IFT52: variants seen among roughly 807,000 people sequenced by gnomAD.
IFT52 encodes intraflagellar transport 52, also known as intraflagellar transport protein 52 homolog.
Under a neutral mutation model 54.4 loss-of-function variants are expected in IFT52, and 44 were observed. That is an observed-to-expected ratio of 0.81 (90% CI 0.63 to 1.04). IFT52 has a LOEUF of 1.04. Among genes scored for constraint, IFT52 ranks in the 50% least tolerant of loss-of-function variants. The probability of loss-of-function intolerance (pLI) is 0.00; values close to 1 mark genes in which losing one functional copy is unlikely to be tolerated. For synonymous variants in IFT52, 181 were observed against 185.3 expected (o/e 0.98, Z 0.19); for missense variants, 452 against 523.6 (o/e 0.86, Z 1.33).
chr20:43,594,139 C>G (rs149873387), intron 1 of IFT52, among the ~76,000 whole-genome samples: 32 of 152,070 alleles, frequency 2.1e-4, no homozygotes, highest in African/African-American at 7.5e-4. Context: ...GAAACCCCGT[C>G]TCTACTGAAA....
intron 10 of IFT52, among the ~76,000 whole-genome samples, chr20:43,629,835 A>G (rs1985034777): frequency 6.6e-6 from 1 of 152,210 alleles, no homozygotes; most frequent in Non-Finnish European, 1.5e-5. Context: ...ATTATCATGT[A>G]ACAACCACAG....
intron 12 of IFT52, among the ~76,000 whole-genome samples, chr20:43,640,649 C>G (rs1430866271): frequency 6.6e-6 from 1 of 152,060 alleles, no homozygotes; most frequent in African/African-American, 2.4e-5. Context: ...GGCAGTAGAA[C>G]TAGGATGAAA....
intron 10 of IFT52, among the ~76,000 whole-genome samples, chr20:43,624,791 C>A (rs1013367359): frequency 1.3e-5 from 2 of 152,176 alleles, no homozygotes; most frequent in African/African-American, 4.8e-5. Context: ...TTCACTGTTT[C>A]TAACCTGAAT....
chr20:43,603,918 G>A, intron 4 of IFT52, 29 bp downstream of exon 4: 1 of 1,373,188 alleles, frequency 7.3e-7, no homozygotes. Flanking sequence ...TTCAGTAGAG[G>A]CAGTACTTTT....
intron 12 of IFT52, among the ~76,000 whole-genome samples, chr20:43,640,183 G>A (rs446526): frequency 1.3e-5 from 2 of 152,122 alleles, no homozygotes; most frequent in African/African-American, 2.4e-5. Flanking sequence ...AAGGCCAGGC[G>A]CAGTGGCTCA....
In IFT52 at chr20:43,590,957, C is replaced by T. The variant is rs1487294243; in HGVS notation, c.-104C>T. On this transcript the variant is annotated 5_prime_UTR_variant, in exon 1 of 14. Transcript: ENST00000373030. ...GCGCTGCGTCCTGGGCCACGCCTCC[C>T]GGCGCACCGACGCGCCTCTCCGGTT... is the stretch of plus-strand genomic sequence containing the variant. 3 of 152,274 alleles carry T rather than the reference C, an allele frequency of 2.0e-5. No homozygotes were observed. Among genetic ancestry groups the T allele is most frequent in the Non-Finnish European group, 4.4e-5 (3 of 68,056 alleles). The allele number at this position is 152,274 out of a possible 1,614,324, so 9.4% of individuals were successfully genotyped here.
At chr20:43,620,149 T>G (rs1212475409) in intron 8 of IFT52, among the ~76,000 whole-genome samples, 2 of 151,968 alleles carry the variant, frequency 1.3e-5, no homozygotes, top group Non-Finnish European at 2.9e-5. Context: ...ACTCCTGACT[T>G]CAGGTGATCC....
intron 3 of IFT52, among the ~76,000 whole-genome samples, chr20:43,602,146 T>G (rs1404595465): frequency 6.8e-6 from 1 of 146,684 alleles, no homozygotes; most frequent in Non-Finnish European, 1.5e-5. Flanking sequence ...ATTTTTATTT[T>G]ATTTATTTAT....
chr20:43,614,546 G>C (rs6073152), intron 7 of IFT52, among the ~76,000 whole-genome samples: 1 of 148,142 alleles, frequency 6.8e-6, no homozygotes, highest in Non-Finnish European at 1.5e-5. Flanking sequence ...TTTTTTTTTT[G>C]ATCCCATGGC....
chr20:43,612,421 G>A (rs750029172), intron 6 of IFT52, among the ~76,000 whole-genome samples: 18 of 152,104 alleles, frequency 1.2e-4, no homozygotes, highest in Non-Finnish European at 8.8e-5. Context: ...GGCCAGGCCC[G>A]GTGGTTTATG....
intron 9 of IFT52, among the ~76,000 whole-genome samples, chr20:43,623,424 C>T (rs945628911): frequency 2.7e-4 from 41 of 152,220 alleles, no homozygotes; most frequent in African/African-American, 9.4e-4. Context: ...TGGGCTCAAG[C>T]GATCCACTCA....
rs60705552 is a variant in IFT52 at position 43,609,962 on chromosome 20, A to AAAATT, written c.486-3867_486-3863dup. On this transcript the variant is annotated intron_variant, in intron 6 of 13. Coordinates refer to ENST00000373030, the MANE Select transcript of IFT52 (RefSeq NM_016004.5). ...AGACTCCGTCTTGAAAAAATAAAAT[A>AAAATT]AAATTAAATTAAATTAAATTAAATT... Among the ~76,000 whole-genome samples the AAAATT allele has an allele frequency of 7.9e-3, 1,183 of 150,538 alleles. 10 individuals are homozygous for AAAATT. Among genetic ancestry groups the AAAATT allele is most frequent in the African/African-American group, 0.024 (983 of 41,038 alleles).
chr20:43,611,800 C>T (rs984263495), intron 6 of IFT52, among the ~76,000 whole-genome samples: 4 of 151,968 alleles, frequency 2.6e-5, no homozygotes, highest in East Asian at 3.9e-4. Flanking sequence ...GAGGCTGAGG[C>T]GGGTGGATCA....
At chr20:43,609,611 A>T (rs1335057967) in intron 6 of IFT52, among the ~76,000 whole-genome samples, 3 of 151,916 alleles carry the variant, frequency 2.0e-5, no homozygotes, top group East Asian at 1.9e-4. Flanking sequence ...ATCTATATTA[A>T]AAAAAACAAC....
chr20:43,591,342 C>T (rs953270664), intron 1 of IFT52, among the ~76,000 whole-genome samples: 9 of 151,994 alleles, frequency 5.9e-5, no homozygotes, highest in African/African-American at 2.2e-4. Flanking sequence ...GTGGCTGCGA[C>T]CCCTCGGTAT....
chr20:43,594,377 G>A (rs1981765488), intron 1 of IFT52, among the ~76,000 whole-genome samples: 1 of 152,154 alleles, frequency 6.6e-6, no homozygotes, highest in African/African-American at 2.4e-5. Context: ...AATGAATCAG[G>A]ATGGAAACAT....
At chr20:43,621,867 G>A (rs1271440024) in intron 9 of IFT52, among the ~76,000 whole-genome samples, 1 of 152,198 alleles carries the variant, frequency 6.6e-6, no homozygotes, top group African/African-American at 2.4e-5. Context: ...GTCAGGCATT[G>A]TATGCCATAT....
chr20:43,640,108 G>T (rs1985813726), intron 12 of IFT52, among the ~76,000 whole-genome samples: 1 of 152,078 alleles, frequency 6.6e-6, no homozygotes, highest in South Asian at 2.1e-4. Flanking sequence ...AGGCTGCAGT[G>T]AGCTAAGATT....
intron 10 of IFT52, among the ~76,000 whole-genome samples, chr20:43,626,448 G>A (rs1311143538): frequency 1.3e-5 from 2 of 151,910 alleles, no homozygotes; most frequent in African/African-American, 4.8e-5. Context: ...GTTTCACCAT[G>A]TTGGCCAGGC....
Sources: gnomAD v4.1 joint callset for allele counts (sites outside exome capture counted in the v4.1 genomes callset) on GRCh38, gnomAD v4.1.1 for gene constraint, MANE v1.5 for transcripts, NCBI Gene and HGNC (gene_info 2026-07-23, HGNC 2026-07-21) for gene names.